Variants in MCF2 observed in about 807,000 individuals in gnomAD.
MCF2 encodes the protein proto-oncogene DBL.
Under a neutral mutation model 82.5 loss-of-function variants are expected in MCF2, and 44 were observed. That is an observed-to-expected ratio of 0.53 (90% CI 0.42 to 0.69). MCF2 has a LOEUF of 0.69. Ranked by LOEUF, MCF2 falls within the 30% of genes least tolerant of loss-of-function variation. The pLI is 0.00. For missense variants in MCF2, 623 were observed against 663.1 expected (o/e 0.94, Z 0.66); for synonymous variants, 217 against 224.9 (o/e 0.96, Z 0.32).
At chrX:139,685,552 GAGTTGTC>G (rs957106562) in intron 1 of MCF2, among the ~76,000 whole-genome samples, 3 of 111,094 alleles carry the variant, frequency 2.7e-5, no homozygotes, top group Non-Finnish European at 3.8e-5. Context: ...GACCCCCTTA[GAGTTGTC>G]AGCCCTTAAA....
intron 1 of MCF2, among the ~76,000 whole-genome samples, chrX:139,694,623 T>C (rs752200582): frequency 8.9e-6 from 1 of 111,738 alleles, no homozygotes; most frequent in Non-Finnish European, 1.9e-5. Context: ...TTCAACAAAT[T>C]GTGAACCTTA....
At chrX:139,599,106 C>T (rs906260347) in intron 16 of MCF2, among the ~76,000 whole-genome samples, 1 of 109,048 alleles carries the variant, frequency 9.2e-6, no homozygotes, top group Non-Finnish European at 1.9e-5. Flanking sequence ...GTATAGAACA[C>T]AAAGGGATTG....
chrX:139,650,452 G>C (rs1444053094), intron 2 of MCF2, among the ~76,000 whole-genome samples: 1 of 111,783 alleles, frequency 8.9e-6, no homozygotes, highest in Non-Finnish European at 1.9e-5. Context: ...CTGAGCATGT[G>C]AGTGCCATTT....
chrX:139,661,958 C>T (rs1455887634), intron 1 of MCF2, among the ~76,000 whole-genome samples: 1 of 111,537 alleles, frequency 9.0e-6, no homozygotes, highest in Non-Finnish European at 1.9e-5. Context: ...GAACCCACTG[C>T]TCATAGTCAC....
At chrX:139,703,029 T>C (rs1000006981) in intron 1 of MCF2, among the ~76,000 whole-genome samples, 5 of 112,163 alleles carry the variant, frequency 4.5e-5, no homozygotes, top group African/African-American at 1.6e-4. Context: ...AGGGGCCAGT[T>C]CCCTGGTCCC....
At chrX:139,627,237 C>G (rs191498158) in intron 4 of MCF2, among the ~76,000 whole-genome samples, 14 of 112,123 alleles carry the variant, frequency 1.2e-4, no homozygotes, top group Admixed American at 1.2e-3. Flanking sequence ...TGGCACTGTT[C>G]TGCTAACACT....
intron 1 of MCF2, among the ~76,000 whole-genome samples, chrX:139,694,134 C>A (rs1291503131): frequency 9.0e-6 from 1 of 111,375 alleles, no homozygotes; most frequent in East Asian, 2.8e-4. Flanking sequence ...CAGTGAGCAA[C>A]TGTTATTTTT....
chrX:139,599,128 G>A (rs753465160), intron 16 of MCF2, among the ~76,000 whole-genome samples: 15 of 108,679 alleles, frequency 1.4e-4, no homozygotes, highest in Non-Finnish European at 2.9e-4. Flanking sequence ...GGAAAAATAC[G>A]CCTGAATAAG....
chrX:139,651,122 C>T (rs1933990446), intron 2 of MCF2, among the ~76,000 whole-genome samples: 3 of 110,715 alleles, frequency 2.7e-5, no homozygotes, highest in Admixed American at 1.9e-4. Flanking sequence ...GCAATGGTGG[C>T]ACAAAAATGT....
intron 1 of MCF2, among the ~76,000 whole-genome samples, chrX:139,663,858 AAT>A (rs1879204906): frequency 9.0e-6 from 1 of 110,549 alleles, no homozygotes; most frequent in Admixed American, 9.7e-5. Context: ...GTGTTGGGTA[AAT>A]ATATATTTAG....
chrX:139,585,078 A>AT lies in MCF2; in HGVS notation c.2732dup (p.Asn911LysfsTer2). 8.4e-7 allele frequency: 1 copy of AT among 1,190,103 alleles called. No homozygotes were observed. Among genetic ancestry groups the AT allele is most frequent in the Non-Finnish European group, 1.1e-6 (1 of 880,162 alleles). On this transcript the variant is annotated frameshift_variant, in exon 24 of 25. Transcript: ENST00000370576. LOFTEE classifies it high-confidence loss of function. ...TATTATTACTAACCATGAGGGGCCT[A>AT]TTTTCTTCTTCATTTTCATCATAAG... is the stretch of plus-strand genomic sequence containing the variant.
chrX:139,653,336 A>G (rs1270973640), intron 1 of MCF2, among the ~76,000 whole-genome samples: 2 of 112,399 alleles, frequency 1.8e-5, no homozygotes, highest in Non-Finnish European at 3.8e-5. Context: ...AGAAAGCATC[A>G]GACATAAAAA....
intron 1 of MCF2, among the ~76,000 whole-genome samples, chrX:139,662,240 T>C (rs1934375102): frequency 9.0e-6 from 1 of 111,555 alleles, no homozygotes; most frequent in Non-Finnish European, 1.9e-5. Context: ...CAATCCATGT[T>C]CATATCTTGG....
upstream of MCF2, among the ~76,000 whole-genome samples, chrX:139,644,008 A>G (rs1031057973): frequency 8.9e-6 from 1 of 111,990 alleles, no homozygotes; most frequent in Non-Finnish European, 1.9e-5. Flanking sequence ...ATTAGCATAA[A>G]CCAAGGTCTA....
chrX:139,602,646 T>C, intron 15 of MCF2, 148 bp from the exon 20 acceptor site: 1 of 421,318 alleles, frequency 2.4e-6, no homozygotes, highest in South Asian at 4.1e-5. Context: ...AAGCCTTTTT[T>C]ATATTCCAAG....
intron 16 of MCF2, among the ~76,000 whole-genome samples, chrX:139,600,297 G>A (rs1456563571): frequency 9.0e-6 from 1 of 111,279 alleles, no homozygotes; most frequent in Non-Finnish European, 1.9e-5. Context: ...TTTAGTTATA[G>A]CTCAATAAAG....
At chrX:139,620,832 C>T (rs1014911836) in intron 6 of MCF2, among the ~76,000 whole-genome samples, 2 of 111,708 alleles carry the variant, frequency 1.8e-5, no homozygotes, top group African/African-American at 6.5e-5. Context: ...ATCAAACTAC[C>T]AACAGCCTTT....
rs1054724335 is a variant in MCF2 at position 139,582,206 on chromosome X, C to G, written c.*265G>C. On this transcript the variant is annotated 3_prime_UTR_variant, in exon 25 of 25. Transcript: ENST00000370576. The stretch of plus-strand genomic sequence containing the variant: ...TACAAAGTAGAGAAGAAATAATTTT[C>G]AAGTCCAAAAGTATTCTGAGATGAG... 6 of 392,489 alleles carry G rather than the reference C, an allele frequency of 1.5e-5. No individual in the cohort carries two copies. In the African/African-American group the frequency reaches 1.5e-4, roughly 10 times the overall value. 32.3% of individuals were successfully genotyped at this position (392,489 alleles called of 1,213,427 possible).
Position 139,589,937 on chromosome X carries a change from A to T in MCF2, c.2278-10T>A, listed in dbSNP as rs768593024. ...TTCCAACTTCATCCATCTATAATAA[A>T]TAAGTCAAAATTTTCATGAGCATTT... On this transcript the variant is annotated splice_polypyrimidine_tract_variant and intron_variant, in intron 19 of 24. Coordinates refer to ENST00000370576, the Ensembl canonical transcript of MCF2. 2.5e-5 allele frequency: 26 copies of T among 1,037,066 alleles called. No individual in the cohort carries two copies. Among genetic ancestry groups the T allele is most frequent in the South Asian group, 6.3e-5 (3 of 47,817 alleles). The allele number at this position is 1,037,066 out of a possible 1,213,427, so 85.5% of individuals were successfully genotyped here. A position where few individuals can be genotyped will look rare whatever the true frequency, so the allele number is the denominator to read the frequency against.
Sources: gnomAD v4.1 joint callset for allele counts (sites outside exome capture counted in the v4.1 genomes callset) on GRCh38, gnomAD v4.1.1 for gene constraint, MANE v1.5 for transcripts, NCBI Gene and HGNC (gene_info 2026-07-23, HGNC 2026-07-21) for gene names.